Variants in PPP1R13L observed in about 807,000 individuals in gnomAD.
PPP1R13L encodes the protein protein phosphatase 1 regulatory subunit 13 like.
A neutral mutation model predicts 80.9 loss-of-function variants in PPP1R13L; 50 were observed. That is an observed-to-expected ratio of 0.62 (90% confidence interval 0.49 to 0.78). The LOEUF (loss-of-function observed/expected upper bound fraction) is 0.78. PPP1R13L is among the 30% of genes least tolerant of loss of function. The pLI, the probability that PPP1R13L is intolerant of heterozygous loss-of-function variation, is 0.00. For missense variants in PPP1R13L, 1,200 were observed against 1,205.9 expected (o/e 1.00, Z 0.07); for synonymous variants, 602 against 534.3 (o/e 1.13, Z -1.75).
chr19:45,382,290 A>G (rs1310574344), intron 12 of PPP1R13L, among the ~76,000 whole-genome samples: 1 of 152,056 alleles, frequency 6.6e-6, no homozygotes, highest in Non-Finnish European at 1.5e-5. Flanking sequence ...ATTTAAAAAT[A>G]AAATAAAGGG....
chr19:45,389,606 T>C (rs1294891030), intron 8 of PPP1R13L, among the ~76,000 whole-genome samples: 1 of 151,984 alleles, frequency 6.6e-6, no homozygotes, highest in Non-Finnish European at 1.5e-5. Flanking sequence ...GGTCAGGAGT[T>C]CAAGACCAGC....
intron 1 of PPP1R13L, 115 bp downstream of exon 1, chr19:45,404,884 G>A (rs1449698746): frequency 3.7e-6 from 2 of 539,778 alleles, no homozygotes; most frequent in African/African-American, 4.1e-5. Flanking sequence ...TCCAGGTGTC[G>A]GCGCGCCCCA....
intron 8 of PPP1R13L, among the ~76,000 whole-genome samples, chr19:45,387,676 T>TGCCAAGTAGCTGGGAATACGGGCGCCC (rs1972895530): frequency 6.6e-6 from 1 of 152,174 alleles, no homozygotes; most frequent in Admixed American, 6.5e-5. Context: ...TGCCTCAGCC[T>TGCCAAGTAGCTGGGAATACGGGCGCCC]GCCAAGTAGC....
At chr19:45,385,102 G>A (rs1298153964) in intron 11 of PPP1R13L, among the ~76,000 whole-genome samples, 2 of 152,200 alleles carry the variant, frequency 1.3e-5, no homozygotes, top group East Asian at 3.9e-4. Context: ...ACCAGGTGAT[G>A]TAGCCTGCCC....
In PPP1R13L at chr19:45,386,058, CG is replaced by C; in HGVS notation, c.1937del (p.Ala646GlyfsTer2). 6.3e-7 allele frequency: 1 copy of C among 1,586,856 alleles called. No individual in the cohort carries two copies. The highest frequency in any genetic ancestry group is 1.8e-5 in the Admixed American group (1 of 55,958). ...GCTCAGCAGCGCTCACCTCCTTCAC[CG>C]CCTGCTGCACCACCTCCAGCTCCCC... ...LTGELEVVQQ[A>X]VKEMNDPSQP... On this transcript the variant is annotated frameshift_variant, in exon 9 of 13. Coordinates refer to ENST00000360957, the MANE Select transcript of PPP1R13L (RefSeq NM_006663.4). LOFTEE classifies it high-confidence loss of function.
At chr19:45,390,691 GTT>G (rs1177446372) in intron 8 of PPP1R13L, among the ~76,000 whole-genome samples, 1 of 152,110 alleles carries the variant, frequency 6.6e-6, no homozygotes, top group Non-Finnish European at 1.5e-5. Flanking sequence ...TGTCTGAGGA[GTT>G]TTGTCTGTGG....
rs527263808 is a variant in PPP1R13L at position 45,396,059 on chromosome 19, C to T, written c.903+109G>A. The T allele has an allele frequency of 1.4e-4, 195 of 1,350,782 alleles. 1 individual carries two copies. In the African/African-American group the frequency reaches 2.3e-3, roughly 16 times the overall value. 83.7% of individuals were successfully genotyped at this position (1,350,782 alleles called of 1,614,324 possible). A position where few individuals can be genotyped will look rare whatever the true frequency, so the allele number is the denominator to read the frequency against. On this transcript the variant is annotated intron_variant, in intron 6 of 12. Coordinates refer to ENST00000360957, the MANE Select transcript of PPP1R13L (RefSeq NM_006663.4). The surrounding 1 kb of genome is among the most constrained non-coding windows in gnomAD (Gnocchi z 5.3). Reference sequence around the variant, plus strand: ...AGTGAAGGGAGAGCGTGGGAACGGGCGCCGAGACCCAGATCGCAGCCCCGA... The same window carrying T: ...AGTGAAGGGAGAGCGTGGGAACGGGTGCCGAGACCCAGATCGCAGCCCCGA...
Position 45,382,518 on chromosome 19 carries a change from T to C in PPP1R13L, c.2448+9A>G. 4 of 1,611,030 alleles carry C rather than the reference T, an allele frequency of 2.5e-6. No homozygotes were observed. Among genetic ancestry groups the C allele is most frequent in the Non-Finnish European group, 3.4e-6 (4 of 1,178,340 alleles). The stretch of plus-strand genomic sequence containing the variant: ...CGGGAGGTCCCCATGACTTCTCCCC[T>C]GGGCTCACCCCGAAGTAGTTCCGCG... On this transcript the variant is annotated intron_variant, in intron 12 of 12. Transcript: ENST00000360957.
In PPP1R13L at chr19:45,396,204, C is replaced by T. The variant is rs201161129; in HGVS notation, c.867G>A (p.Arg289=). The T allele has an allele frequency of 1.2e-4, 191 of 1,611,710 alleles. No homozygotes were observed. Among genetic ancestry groups the T allele is most frequent in the Non-Finnish European group, 1.6e-4 (184 of 1,179,644 alleles). The change falls in exon 6 of 13, where the codon AGG becomes AGA. Residue 289 remains arginine (R), a synonymous_variant. Transcript: ENST00000360957. This position sits in a 1 kb window ranked among gnomAD's most constrained non-coding sequence, Gnocchi z 5.3. ...CCCCCAGTCCATCCAGGCTGCTCTCCCTCCAAGGCAACAGCTGCAGGCTCG... is the reference window on the plus strand; with the variant it reads ...CCCCCAGTCCATCCAGGCTGCTCTCTCTCCAAGGCAACAGCTGCAGGCTCG... ...ASPSLQLLPW[R]ESSLDGLGGT...
rs752930362 is a variant in PPP1R13L at position 45,382,733 on chromosome 19, C to T, written c.2249-7G>A. The T allele has an allele frequency of 6.2e-7, 1 of 1,613,772 alleles. No individual in the cohort carries two copies. The highest frequency in any genetic ancestry group is 8.5e-7 in the Non-Finnish European group (1 of 1,179,968). On this transcript the variant is annotated splice_region_variant and splice_polypyrimidine_tract_variant and intron_variant, in intron 11 of 12. Transcript: ENST00000360957. Reference sequence around the variant, plus strand: ...CCCATACTCTGCTCGACGTCTGAAACATGCCACGGAGGGGAAGGTGAGAGC... The same window carrying T: ...CCCATACTCTGCTCGACGTCTGAAATATGCCACGGAGGGGAAGGTGAGAGC...
chr19:45,394,817 T>A (rs1278493800), intron 7 of PPP1R13L: 1 of 150,666 alleles, frequency 6.6e-6, no homozygotes, highest in African/African-American at 2.4e-5. Flanking sequence ...TAATAACATA[T>A]GTCAATAGGA....
In PPP1R13L at chr19:45,385,508, C is replaced by T. The variant is rs146162315; in HGVS notation, c.2248+54G>A. On this transcript the variant is annotated intron_variant, in intron 11 of 12. Transcript: ENST00000360957. ...CCTAGTAGGGGGTAGTTGCTCCCCT[C>T]CCCGCTCCTGCGCACCCGCCAGGTA... The T allele has an allele frequency of 2.0e-4, 307 of 1,529,302 alleles. 1 individual carries two copies. In the East Asian group the frequency reaches 7.0e-3, roughly 35 times the overall value. The allele number at this position is 1,529,302 out of a possible 1,614,324, so 94.7% of individuals were successfully genotyped here. A position where few individuals can be genotyped will look rare whatever the true frequency, so the allele number is the denominator to read the frequency against.
intron 1 of PPP1R13L, among the ~76,000 whole-genome samples, chr19:45,399,476 T>C (rs1421475013): frequency 2.0e-5 from 3 of 149,506 alleles, no homozygotes; most frequent in South Asian, 2.1e-4. Context: ...TACCAAAAAT[T>C]AGCCAGGCGT....
Position 45,396,870 on chromosome 19 carries a change from C to T in PPP1R13L, c.387G>A (p.Pro129=), listed in dbSNP as rs370324428. Reference sequence around the variant, plus strand: ...CGCGGTCCAGGCTGCCGTAGGCGTCCGGCTGCAGGTAGAGCGGGGTGCGCG... The same window carrying T: ...CGCGGTCCAGGCTGCCGTAGGCGTCTGGCTGCAGGTAGAGCGGGGTGCGCG... The part of the protein sequence containing the change: ...SSPRTPLYLQ[P]DAYGSLDRAT... Residue 129 remains proline, a synonymous_variant, in exon 4 of 13, where the codon CCG becomes CCA. Coordinates refer to ENST00000360957, the MANE Select transcript of PPP1R13L (RefSeq NM_006663.4). This position sits in a 1 kb window ranked among gnomAD's most constrained non-coding sequence, Gnocchi z 5.3. 2 of 1,531,048 alleles carry T rather than the reference C, an allele frequency of 1.3e-6. No individual in the cohort carries two copies. The highest frequency in any genetic ancestry group is 1.2e-5 in the South Asian group (1 of 82,690). The allele number at this position is 1,531,048 out of a possible 1,614,324, so 94.8% of individuals were successfully genotyped here. A position where few individuals can be genotyped will look rare whatever the true frequency, so the allele number is the denominator to read the frequency against.
chr19:45,382,494 G>A (rs954601718), intron 12 of PPP1R13L, 33 bp downstream of exon 12: 2 of 1,595,186 alleles, frequency 1.3e-6, no homozygotes, highest in South Asian at 1.1e-5. Context: ...CCCAACTGTC[G>A]GGAGGTCCCC....
In PPP1R13L at chr19:45,385,600, T is replaced by TATGCACTTCTCG; in HGVS notation, c.2209_2210insCGAGAAGTGCAT (p.Pro736_Tyr737insSerArgSerAla). ...GGCGCAGTCAGCATAACCCTCGCGG[T>TATGCACTTCTCG]AAGGGTCGCACTTCTCGAAGGCGGT... On this transcript the variant is annotated inframe_insertion, in exon 11 of 13. Coordinates refer to ENST00000360957, the MANE Select transcript of PPP1R13L (RefSeq NM_006663.4). The TATGCACTTCTCG allele has an allele frequency of 6.2e-7, 1 of 1,613,026 alleles. No homozygotes were observed.
At chr19:45,406,102 C>G (rs35586734), upstream of PPP1R13L, 338 of 174,952 alleles carry the variant, frequency 1.9e-3, 1 homozygote, top group African/African-American at 7.5e-3. This position sits in a 1 kb window ranked among gnomAD's most constrained non-coding sequence, Gnocchi z 4.2. Context: ...AGCTCCTCCC[C>G]CTATGTTTCC....
chr19:45,394,898 G>A (rs1219326732), intron 7 of PPP1R13L: 2 of 133,592 alleles, frequency 1.5e-5, no homozygotes, highest in African/African-American at 6.0e-5. Context: ...CACCCAGGAT[G>A]GACTGCAGTG....
In PPP1R13L at chr19:45,399,978, C is replaced by G. The variant is rs1373585132; in HGVS notation, c.-21-1639G>C. Reference sequence around the variant, plus strand: ...AAAAAAAATTAATTGAGGGGCCACTCCCTTCTAGAGTGGTGAGAAATGCCG... The same window carrying G: ...AAAAAAAATTAATTGAGGGGCCACTGCCTTCTAGAGTGGTGAGAAATGCCG... On this transcript the variant is annotated intron_variant, in intron 1 of 12. Coordinates refer to ENST00000360957, the MANE Select transcript of PPP1R13L (RefSeq NM_006663.4). Among the ~76,000 whole-genome samples the G allele has an allele frequency of 3.3e-5, 5 of 151,772 alleles. No homozygotes were observed. In the East Asian group the frequency reaches 7.7e-4, roughly 23 times the overall value.
Sources: gnomAD v4.1 joint callset for allele counts (sites outside exome capture counted in the v4.1 genomes callset) on GRCh38, gnomAD v4.1.1 for gene constraint, Gnocchi (gnomAD v3.1) non-coding constraint, MANE v1.5 for transcripts, NCBI Gene and HGNC (gene_info 2026-07-23, HGNC 2026-07-21) for gene names.